Variants in ATF1 observed in about 807,000 individuals in gnomAD.
ATF1 encodes cyclic AMP-dependent transcription factor ATF-1.
ATF1 carries 16 observed loss-of-function variants against 34.7 expected under a neutral mutation model. That is an observed-to-expected ratio of 0.46 (90% CI 0.31 to 0.70). The LOEUF (loss-of-function observed/expected upper bound fraction) is 0.70. Among genes scored for constraint, ATF1 ranks in the 30% least tolerant of loss-of-function variants. ATF1 has a pLI of 0.05. For missense variants in ATF1, 255 were observed against 321.6 expected, an observed-to-expected ratio of 0.79 and a Z score of 1.58; for synonymous variants, 105 against 113.1, an observed-to-expected ratio of 0.93 and a Z score of 0.46.
chr12:50,796,253 G>A (rs1941407035), intron 3 of ATF1, among the ~76,000 whole-genome samples: 1 of 151,998 alleles, frequency 6.6e-6, no homozygotes. Flanking sequence ...ACCTTAGCTG[G>A]ACATAGTGGC....
At chr12:50,805,684 T>C (rs1051165920) in intron 3 of ATF1, among the ~76,000 whole-genome samples, 14 of 152,130 alleles carry the variant, frequency 9.2e-5, no homozygotes, top group African/African-American at 3.4e-4. Flanking sequence ...AATAATTAGT[T>C]CTTTCCAGTG....
In ATF1 at chr12:50,819,917, G is replaced by T. The variant is rs953659449; in HGVS notation, c.*138G>T. ...AATCAAGGATAAATATCTTACGCAC[G>T]ATATCTAGTGACAGAGGAGAAAGTG... On this transcript the variant is annotated 3_prime_UTR_variant, in exon 7 of 7. Coordinates refer to ENST00000262053, the MANE Select transcript of ATF1 (RefSeq NM_005171.5). 8 of 706,018 alleles carry T rather than the reference G, an allele frequency of 1.1e-5. No individual in the cohort carries two copies. Among genetic ancestry groups the T allele is most frequent in the Non-Finnish European group, 1.8e-5 (8 of 451,806 alleles). The allele number at this position is 706,018 out of a possible 1,614,324, so 43.7% of individuals were successfully genotyped here. A position where few individuals can be genotyped will look rare whatever the true frequency, so the allele number is the denominator to read the frequency against.
intron 3 of ATF1, among the ~76,000 whole-genome samples, chr12:50,802,395 C>T (rs544027185): frequency 4.6e-5 from 7 of 152,128 alleles, no homozygotes; most frequent in African/African-American, 9.6e-5. Flanking sequence ...CCTGGTGGCA[C>T]GCGCCTGTAG....
upstream of ATF1, among the ~76,000 whole-genome samples, chr12:50,763,474 G>A (rs116325007): frequency 0.013 from 1,978 of 150,228 alleles, 47 homozygotes; most frequent in African/African-American, 0.046. Context: ...TTCAAGCCGA[G>A]CGTGGTAGCG....
intron 3 of ATF1, among the ~76,000 whole-genome samples, chr12:50,802,697 C>G (rs1201836065): frequency 6.6e-6 from 1 of 151,004 alleles, no homozygotes; most frequent in Non-Finnish European, 1.5e-5. Flanking sequence ...TATGGTGAAA[C>G]CCTGTCTCTA....
chr12:50,814,566 CATAA>C (rs1941803881), intron 6 of ATF1, 127 bp downstream of exon 6: 9 of 1,059,020 alleles, frequency 8.5e-6, no homozygotes, highest in Non-Finnish European at 1.1e-5. Context: ...CAATGGACCA[CATAA>C]ATGAATGACG....
At chr12:50,775,276 C>G (rs568713756) in intron 1 of ATF1, among the ~76,000 whole-genome samples, 1 of 151,938 alleles carries the variant, frequency 6.6e-6, no homozygotes, top group Non-Finnish European at 1.5e-5. Context: ...TAATTATTGT[C>G]TAAAATGTTA....
intron 2 of ATF1, among the ~76,000 whole-genome samples, chr12:50,782,510 C>G (rs1941088338): frequency 6.6e-6 from 1 of 150,714 alleles, no homozygotes; most frequent in Non-Finnish European, 1.5e-5. Flanking sequence ...CCGCCTCAGC[C>G]TTCCAAAGTG....
In ATF1 at chr12:50,807,387, G is replaced by T. The variant is rs181491573; in HGVS notation, c.195-2069G>T. On this transcript the variant is annotated intron_variant, in intron 3 of 6. Transcript: ENST00000262053. Reference sequence around the variant, plus strand: ...CCACTGTACTCCAGCCTGGGCAACAGAGTGAGGCTCTGTCTCAAAAGAAAA... The same window carrying T: ...CCACTGTACTCCAGCCTGGGCAACATAGTGAGGCTCTGTCTCAAAAGAAAA... Among the ~76,000 whole-genome samples the T allele has an allele frequency of 2.2e-4, 33 of 152,254 alleles. No homozygotes were observed. The East Asian group carries it at 6.4e-3, about 29-fold the overall frequency.
intron 2 of ATF1, among the ~76,000 whole-genome samples, chr12:50,785,149 T>G (rs1358218378): frequency 6.7e-6 from 1 of 149,542 alleles, no homozygotes; most frequent in East Asian, 2.0e-4. Flanking sequence ...GACCCGGGCG[T>G]GGTAGTGCAT....
At chr12:50,818,981 C>T (rs1941896463) in intron 6 of ATF1, among the ~76,000 whole-genome samples, 1 of 152,278 alleles carries the variant, frequency 6.6e-6, no homozygotes, top group African/African-American at 2.4e-5. Context: ...ATGCACAGAA[C>T]TGAGTATTTG....
chr12:50,787,092 A>G (rs933678909), intron 2 of ATF1, among the ~76,000 whole-genome samples: 10 of 152,190 alleles, frequency 6.6e-5, no homozygotes, highest in African/African-American at 2.4e-4. Flanking sequence ...CCCCTTCCCT[A>G]CGCACACACA....
chr12:50,805,959 T>TG (rs1273115119), intron 3 of ATF1, among the ~76,000 whole-genome samples: 1 of 152,164 alleles, frequency 6.6e-6, no homozygotes, highest in Non-Finnish European at 1.5e-5. Context: ...AACACCAGCC[T>TG]GGCCAACATG....
intron 3 of ATF1, among the ~76,000 whole-genome samples, chr12:50,800,245 G>T (rs565870544): frequency 3.5e-4 from 54 of 152,286 alleles, no homozygotes; most frequent in African/African-American, 1.3e-3. Flanking sequence ...CTGGGTCTTG[G>T]CACCCAAAAT....
At chr12:50,767,452 G>A (rs939068570) in intron 1 of ATF1, among the ~76,000 whole-genome samples, 6 of 152,162 alleles carry the variant, frequency 3.9e-5, no homozygotes, top group South Asian at 2.1e-4. Context: ...CCCGGGAGGC[G>A]GAGGTTGCAG....
Position 50,819,669 on chromosome 12 carries a change from G to C in ATF1, c.706G>C (p.Glu236Gln). 6.2e-7 allele frequency: 1 copy of C among 1,612,944 alleles called. No homozygotes were observed. Among genetic ancestry groups the C allele is most frequent in the Non-Finnish European group, 8.5e-7 (1 of 1,179,680 alleles). Residue 236 changes from glutamate to glutamine, a missense_variant, in exon 7 of 7, where the codon GAA becomes CAA. By Grantham distance (29) the Glu-to-Gln change is conservative. Coordinates refer to ENST00000262053, the MANE Select transcript of ATF1 (RefSeq NM_005171.5). ...AARECRRKKKEYVKCLENRVA... is the reference protein window; with the variant it reads ...AARECRRKKKQYVKCLENRVA... Reference sequence around the variant, plus strand: ...TCGAGAATGTCGCAGAAAGAAGAAAGAATATGTGAAATGCCTGGAAAACCG... The same window carrying C: ...TCGAGAATGTCGCAGAAAGAAGAAACAATATGTGAAATGCCTGGAAAACCG...
chr12:50,792,045 ACAAT>A (rs1255576137), intron 2 of ATF1, among the ~76,000 whole-genome samples: 1 of 152,122 alleles, frequency 6.6e-6, no homozygotes, highest in African/African-American at 2.4e-5. Flanking sequence ...ATGTTTTTGC[ACAAT>A]CAGTTCCTCT....
intron 1 of ATF1, among the ~76,000 whole-genome samples, chr12:50,771,704 C>T (rs909287120): frequency 1.3e-5 from 2 of 152,132 alleles, no homozygotes; most frequent in African/African-American, 2.4e-5. Flanking sequence ...TTAAGGCATT[C>T]TAAGTCACGG....
At chr12:50,813,841 G>T (rs1488916485) in intron 4 of ATF1, among the ~76,000 whole-genome samples, 169 bp from the exon 5 acceptor site, 1 of 151,800 alleles carries the variant, frequency 6.6e-6, no homozygotes, top group Admixed American at 6.6e-5. Flanking sequence ...AAGAAATGCT[G>T]TTTTATTCCT....
Sources: gnomAD v4.1 joint callset for allele counts (sites outside exome capture counted in the v4.1 genomes callset) on GRCh38, gnomAD v4.1.1 for gene constraint, MANE v1.5 for transcripts, NCBI Gene and HGNC (gene_info 2026-07-23, HGNC 2026-07-21) for gene names.